Variants in INO80D observed in about 807,000 individuals in gnomAD.
The protein encoded by INO80D is INO80 complex subunit D.
A neutral mutation model predicts 87.6 loss-of-function variants in INO80D; 21 were observed. That is an observed-to-expected ratio of 0.24 (90% CI 0.17 to 0.35). The LOEUF (loss-of-function observed/expected upper bound fraction) is 0.35. Ranked by LOEUF, INO80D falls within the 10% of genes least tolerant of loss-of-function variation. The probability of loss-of-function intolerance (pLI) is 1.00; values close to 1 mark genes in which losing one functional copy is unlikely to be tolerated. For synonymous variants in INO80D, 440 were observed against 491.0 expected (o/e 0.90, Z 1.37); for missense variants, 982 against 1,280.7 (o/e 0.77, Z 3.56).
intron 2 of INO80D, 34 bp from the exon 3 acceptor site, chr2:206,063,079 G>C (rs1157088427): frequency 8.8e-7 from 1 of 1,131,630 alleles, no homozygotes; most frequent in East Asian, 2.5e-5. Context: ...AAACCCAAAT[G>C]ATAAATCAGA....
chr2:206,014,646 A>T lies in INO80D; in HGVS notation c.1542+3034T>A, dbSNP rs570311843. On this transcript the variant is annotated intron_variant, in intron 8 of 10. Transcript: ENST00000403263. ...TCCAATTAAACCTCTTTTTTTTTTT[A>T]AATTGCCCAGTCTCAGGTATGTCTT... Among the ~76,000 whole-genome samples, 6 of 151,294 alleles carry T rather than the reference A, an allele frequency of 4.0e-5. No individual in the cohort carries two copies. The South Asian group carries it at 1.3e-3, about 32-fold the overall frequency.
At chr2:206,025,423 G>T (rs1389497939) in intron 6 of INO80D, among the ~76,000 whole-genome samples, 2 of 150,412 alleles carry the variant, frequency 1.3e-5, no homozygotes, top group African/African-American at 4.9e-5. Context: ...AGCTACTCAG[G>T]AGGCTGAGGC....
chr2:206,004,944 C>T lies in INO80D; in HGVS notation c.2508G>A (p.Pro836=), dbSNP rs754819930. Residue 836 remains proline (P), a synonymous_variant, in exon 11 of 11, where the codon CCG becomes CCA. Coordinates refer to ENST00000403263, the MANE Select transcript of INO80D (RefSeq NM_017759.5). This position sits in a 1 kb window ranked among gnomAD's most constrained non-coding sequence, Gnocchi z 4.9. ...AGGTGATATGGTCACTGTAGGGAGA[C>T]GGCACATGCTCACTATCATAATGGC... ...HGSHYDSEHV[P]SPYSDHITSP... 27 of 1,613,808 alleles carry T rather than the reference C, an allele frequency of 1.7e-5. No individual in the cohort carries two copies. Among genetic ancestry groups the T allele is most frequent in the East Asian group, 6.7e-5 (3 of 44,886 alleles).
chr2:206,045,325 A>G (rs1007562078), intron 5 of INO80D, among the ~76,000 whole-genome samples: 5 of 152,236 alleles, frequency 3.3e-5, no homozygotes, highest in East Asian at 1.9e-4. Flanking sequence ...ACCTCTAGGT[A>G]TACTAACAAA....
intron 8 of INO80D, among the ~76,000 whole-genome samples, chr2:206,013,178 T>C (rs1688224407): frequency 6.6e-6 from 1 of 152,162 alleles, no homozygotes; most frequent in South Asian, 2.1e-4. Context: ...GTTTGCCTCA[T>C]TGAATTTGCC....
intron 4 of INO80D, among the ~76,000 whole-genome samples, chr2:206,048,361 G>A (rs1241601070): frequency 6.6e-6 from 1 of 152,104 alleles, no homozygotes; most frequent in Non-Finnish European, 1.5e-5. Flanking sequence ...AGCCTCCAAA[G>A]TAGCTGGCAC....
intron 1 of INO80D, among the ~76,000 whole-genome samples, chr2:206,079,656 C>T (rs1381978272): frequency 6.6e-6 from 1 of 152,204 alleles, no homozygotes; most frequent in South Asian, 2.1e-4. Flanking sequence ...GGTCTAATTA[C>T]AGTCTTGTCC....
chr2:206,042,760 G>T (rs1199967335), intron 5 of INO80D, among the ~76,000 whole-genome samples: 1 of 151,832 alleles, frequency 6.6e-6, no homozygotes, highest in Non-Finnish European at 1.5e-5. Flanking sequence ...CAACGCAGGA[G>T]GACTCCTTGA....
chr2:206,006,937 C>T (rs1353919233), intron 10 of INO80D, among the ~76,000 whole-genome samples: 2 of 152,122 alleles, frequency 1.3e-5, no homozygotes, highest in Non-Finnish European at 2.9e-5. Flanking sequence ...ATCCCAGCTA[C>T]TCGGGAGGCC....
chr2:206,000,031 T>C lies in INO80D; in HGVS notation c.*4337A>G, dbSNP rs1316979082. 1 of 152,096 alleles carries C rather than the reference T, an allele frequency of 6.6e-6. No homozygotes were observed. The highest frequency in any genetic ancestry group is 6.6e-5 in the Admixed American group (1 of 15,258). 9.4% of individuals were successfully genotyped at this position (152,096 alleles called of 1,614,324 possible). On this transcript the variant is annotated 3_prime_UTR_variant, in exon 11 of 11. Coordinates refer to ENST00000403263, the MANE Select transcript of INO80D (RefSeq NM_017759.5). ...AAAAAAATCCTTGGAACAATGTAAA[T>C]ACTGGTAACAAAAGAGATACAAATG... is the stretch of plus-strand genomic sequence containing the variant.
chr2:206,083,948 G>C (rs1690356619), intron 1 of INO80D, among the ~76,000 whole-genome samples: 2 of 151,898 alleles, frequency 1.3e-5, no homozygotes, highest in African/African-American at 4.8e-5. Context: ...CTGGCAGTGG[G>C]GGGTGGCAGG....
chr2:206,003,956 CAA>C lies in INO80D; in HGVS notation c.*410_*411del. The C allele has an allele frequency of 1.0e-5, 2 of 191,880 alleles. No homozygotes were observed. Among genetic ancestry groups the C allele is most frequent in the East Asian group, 1.1e-4 (1 of 8,748 alleles). 11.9% of individuals were successfully genotyped at this position (191,880 alleles called of 1,614,324 possible). On this transcript the variant is annotated 3_prime_UTR_variant, in exon 11 of 11. Coordinates refer to ENST00000403263, the MANE Select transcript of INO80D (RefSeq NM_017759.5). ...ATTTGCTGTCTCTTATACAGGAACT[CAA>C]TTAATAAGATCATTCTATCTAGAAC... is the stretch of plus-strand genomic sequence containing the variant.
At chr2:206,021,179 A>G (rs1336725956) in intron 6 of INO80D, among the ~76,000 whole-genome samples, 2 of 152,178 alleles carry the variant, frequency 1.3e-5, no homozygotes, top group South Asian at 2.1e-4. Flanking sequence ...CAAACAAAAA[A>G]TCTTTTGAGT....
chr2:206,030,260 G>A (rs1042054408), intron 5 of INO80D, among the ~76,000 whole-genome samples: 2 of 152,110 alleles, frequency 1.3e-5, no homozygotes, highest in Admixed American at 1.3e-4. Context: ...GATCACCTGA[G>A]GTCAAGAGTT....
rs978548310 is a variant in INO80D at position 206,046,589 on chromosome 2, C to T, written c.988G>A (p.Gly330Arg). ...TGCTCTGAGTCCTCTGGTTCCTCTC[C>T]GCTCTCTTCAGACCAGTCCAAACCT... Reference protein sequence around the residue: ...HLGLDWSEESGEEPEDSEQAS... With the variant: ...HLGLDWSEESREEPEDSEQAS... Residue 330 changes from glycine to arginine, a missense_variant, in exon 5 of 11, where the codon GGA (glycine) becomes AGA (arginine). Physicochemically the swap from Gly to Arg is moderately radical, Grantham distance 125. Transcript: ENST00000403263. The T allele has an allele frequency of 2.5e-6, 4 of 1,613,762 alleles. No individual in the cohort carries two copies. Among genetic ancestry groups the T allele is most frequent in the Non-Finnish European group, 3.4e-6 (4 of 1,179,648 alleles).
intron 5 of INO80D, among the ~76,000 whole-genome samples, chr2:206,038,578 T>C (rs80317195): frequency 0.068 from 10,294 of 152,250 alleles, 570 homozygotes; most frequent in Admixed American, 0.19. Flanking sequence ...ACGCTTGTAA[T>C]CCTAACACTT....
In INO80D at chr2:206,005,020, G is replaced by C; in HGVS notation, c.2432C>G (p.Thr811Ser). ...QLLSKADDLI[T>S]SRQQYSSDHS... Reference sequence around the variant, plus strand: ...ATCACTGCTGTATTGCTGTCGTGAGGTGATTAGGTCATCTGCCTTGCTCAG... The same window carrying C: ...ATCACTGCTGTATTGCTGTCGTGAGCTGATTAGGTCATCTGCCTTGCTCAG... The change falls in exon 11 of 11, where the codon ACC becomes AGC. Residue 811 changes from threonine (T) to serine (S), a missense_variant. Physicochemically the swap from Thr to Ser is moderately conservative, Grantham distance 58. Coordinates refer to ENST00000403263, the MANE Select transcript of INO80D (RefSeq NM_017759.5). 1 of 1,614,016 alleles carries C rather than the reference G, an allele frequency of 6.2e-7. No homozygotes were observed.
chr2:206,037,115 C>G (rs1688915326), intron 5 of INO80D, among the ~76,000 whole-genome samples: 1 of 152,138 alleles, frequency 6.6e-6, no homozygotes, highest in Admixed American at 6.6e-5. Flanking sequence ...TTCTTTCTTT[C>G]CATATCTGTG....
At position 206,028,270 on chromosome 2, in the gene INO80D, T is replaced by C; in HGVS notation, c.1139A>G (p.Gln380Arg). Reference protein sequence around the residue: ...RVTQLCTYFQQKYKHLCRLER... With the variant: ...RVTQLCTYFQRKYKHLCRLER... Reference sequence around the variant, plus strand: ...CAGGCGGCAGAGGTGCTTATATTTCTGCTGAAAGTAAGTGCAAAGTTGAGT... The same window carrying C: ...CAGGCGGCAGAGGTGCTTATATTTCCGCTGAAAGTAAGTGCAAAGTTGAGT... The change falls in exon 6 of 11, where the codon CAG (glutamine) becomes CGG (arginine). Residue 380 changes from glutamine to arginine, a missense_variant. By Grantham distance (43) the Gln-to-Arg change is conservative. Coordinates refer to ENST00000403263, the MANE Select transcript of INO80D (RefSeq NM_017759.5). 6.2e-7 allele frequency: 1 copy of C among 1,612,792 alleles called. No homozygotes were observed. Among genetic ancestry groups the C allele is most frequent in the South Asian group, 1.1e-5 (1 of 91,048 alleles).
Sources: gnomAD v4.1 joint callset for allele counts (sites outside exome capture counted in the v4.1 genomes callset) on GRCh38, gnomAD v4.1.1 for gene constraint, Gnocchi (gnomAD v3.1) non-coding constraint, MANE v1.5 for transcripts, NCBI Gene and HGNC (gene_info 2026-07-23, HGNC 2026-07-21) for gene names.